Variants in RAB3C observed in about 807,000 individuals in gnomAD.
The protein encoded by RAB3C is ras-related protein Rab-3C.
In RAB3C, 17 loss-of-function variants were observed where a neutral mutation model predicts 26.4. The observed-to-expected ratio is 0.64, with a 90% CI of 0.44 to 0.97. The LOEUF (loss-of-function observed/expected upper bound fraction) is 0.97, where lower values mean the gene tolerates loss of function less well. Ranked by LOEUF, RAB3C falls within the 50% of genes least tolerant of loss-of-function variation. The pLI, the probability that RAB3C is intolerant of heterozygous loss-of-function variation, is 0.00. For missense variants in RAB3C, 242 were observed against 281.9 expected (o/e 0.86, Z 1.01); for synonymous variants, 91 against 95.9 (o/e 0.95, Z 0.30).
chr5:58,632,950 T>A (rs908067098), intron 2 of RAB3C, among the ~76,000 whole-genome samples: 1 of 152,252 alleles, frequency 6.6e-6, no homozygotes, highest in Admixed American at 6.5e-5. Flanking sequence ...CTCAGTTTTC[T>A]ATTCTAGTCT....
At chr5:58,849,239 T>G (rs1261697879) in intron 4 of RAB3C, among the ~76,000 whole-genome samples, 1 of 152,234 alleles carries the variant, frequency 6.6e-6, no homozygotes, top group African/African-American at 2.4e-5. Context: ...AACTTGTAAA[T>G]GAGACCTTTG....
At chr5:58,752,715 A>C (rs959538916) in intron 3 of RAB3C, among the ~76,000 whole-genome samples, 6 of 152,202 alleles carry the variant, frequency 3.9e-5, no homozygotes, top group Non-Finnish European at 8.8e-5. Flanking sequence ...GGAATTATAG[A>C]GATCTGAATT....
At chr5:58,690,018 C>T (rs1027291784) in intron 2 of RAB3C, among the ~76,000 whole-genome samples, 2 of 152,014 alleles carry the variant, frequency 1.3e-5, no homozygotes, top group African/African-American at 2.4e-5. Flanking sequence ...CAATTTATAC[C>T]TAGAGTTATG....
At chr5:58,722,751 T>A (rs1740801538) in intron 2 of RAB3C, among the ~76,000 whole-genome samples, 1 of 151,906 alleles carries the variant, frequency 6.6e-6, no homozygotes, top group African/African-American at 2.4e-5. Context: ...TACAAGAATA[T>A]CCAAATAAGT....
At chr5:58,645,575 G>A (rs559399859) in intron 2 of RAB3C, among the ~76,000 whole-genome samples, 1 of 152,278 alleles carries the variant, frequency 6.6e-6, no homozygotes, top group East Asian at 1.9e-4. Context: ...CGTGTTCAAA[G>A]AGGAAGAAGA....
At chr5:58,807,859 G>A (rs1268807901) in intron 3 of RAB3C, among the ~76,000 whole-genome samples, 1 of 151,982 alleles carries the variant, frequency 6.6e-6, no homozygotes, top group Non-Finnish European at 1.5e-5. Context: ...TATAGTAAAT[G>A]TAGAAAAATA....
chr5:58,737,402 T>TAC, intron 3 of RAB3C, among the ~76,000 whole-genome samples: 3 of 7,850 alleles, frequency 3.8e-4, no homozygotes, highest in African/African-American at 3.5e-3. Flanking sequence ...GAAATATATA[T>TAC]ATATATATAT....
intron 3 of RAB3C, among the ~76,000 whole-genome samples, chr5:58,727,074 T>C (rs1740905734): frequency 6.6e-6 from 1 of 151,990 alleles, no homozygotes; most frequent in African/African-American, 2.4e-5. Context: ...TCACATATTA[T>C]CTTATGTAAG....
intron 2 of RAB3C, among the ~76,000 whole-genome samples, chr5:58,721,598 A>G (rs759186865): frequency 2.6e-5 from 4 of 151,778 alleles, no homozygotes; most frequent in Non-Finnish European, 5.9e-5. Context: ...TCATTAGTAA[A>G]CGTCAATTAT....
At chr5:58,719,269 A>C (rs1162256059) in intron 2 of RAB3C, among the ~76,000 whole-genome samples, 1 of 152,090 alleles carries the variant, frequency 6.6e-6, no homozygotes, top group Non-Finnish European at 1.5e-5. Context: ...GTAACAAGAT[A>C]TATCAAACCA....
At chr5:58,748,288 T>C (rs976053129) in intron 3 of RAB3C, among the ~76,000 whole-genome samples, 2 of 152,172 alleles carry the variant, frequency 1.3e-5, no homozygotes, top group African/African-American at 4.8e-5. Context: ...TATTTTCTCA[T>C]TGTGTTTATC....
chr5:58,719,679 G>A (rs1379129986), intron 2 of RAB3C, among the ~76,000 whole-genome samples: 1 of 151,898 alleles, frequency 6.6e-6, no homozygotes, highest in African/African-American at 2.4e-5. Flanking sequence ...TCCAATTCTT[G>A]GCAGTCCTTG....
chr5:58,727,975 C>T (rs1341897821), intron 3 of RAB3C, among the ~76,000 whole-genome samples: 1 of 151,932 alleles, frequency 6.6e-6, no homozygotes, highest in Non-Finnish European at 1.5e-5. Flanking sequence ...TTTCTGAAGC[C>T]CAGCTTAAAC....
intron 4 of RAB3C, among the ~76,000 whole-genome samples, chr5:58,832,314 C>A (rs1743630739): frequency 6.6e-6 from 1 of 152,170 alleles, no homozygotes. Flanking sequence ...GCATAACAAC[C>A]ACTGAGCTGA....
intron 4 of RAB3C, among the ~76,000 whole-genome samples, chr5:58,850,524 A>G (rs1744092489): frequency 2.0e-5 from 3 of 152,226 alleles, no homozygotes; most frequent in Non-Finnish European, 4.4e-5. Context: ...ACAATTTACT[A>G]GAAGCCCACT....
At chr5:58,794,129 A>C (rs1464907348) in intron 3 of RAB3C, among the ~76,000 whole-genome samples, 3 of 152,210 alleles carry the variant, frequency 2.0e-5, no homozygotes, top group African/African-American at 7.2e-5. Flanking sequence ...AGGTCACTAA[A>C]GTTATACCAG....
At chr5:58,633,837 A>T (rs921797250) in intron 2 of RAB3C, among the ~76,000 whole-genome samples, 2 of 152,128 alleles carry the variant, frequency 1.3e-5, no homozygotes, top group Non-Finnish European at 2.9e-5. Context: ...TTACTTGTTA[A>T]ATTTGTTTGT....
chr5:58,668,079 G>GT, intron 2 of RAB3C, among the ~76,000 whole-genome samples: 1 of 152,200 alleles, frequency 6.6e-6, no homozygotes, highest in East Asian at 1.9e-4. Flanking sequence ...TGTAGATGCT[G>GT]TAAGTATGAT....
At chr5:58,648,915 G>C (rs866836056) in intron 2 of RAB3C, among the ~76,000 whole-genome samples, 4 of 152,100 alleles carry the variant, frequency 2.6e-5, no homozygotes, top group Admixed American at 6.6e-5. Flanking sequence ...CTATCTCAAG[G>C]CTTCATCATC....
Sources: gnomAD v4.1 joint callset for allele counts (sites outside exome capture counted in the v4.1 genomes callset) on GRCh38, gnomAD v4.1.1 for gene constraint, MANE v1.5 for transcripts, NCBI Gene and HGNC (gene_info 2026-07-23, HGNC 2026-07-21) for gene names.